ADAM12: variants seen among roughly 807,000 people sequenced by gnomAD.
ADAM12 encodes disintegrin and metalloproteinase domain-containing protein 12.
In ADAM12, 70 loss-of-function variants were observed where a neutral mutation model predicts 106.4. That is an observed-to-expected ratio of 0.66 (90% CI 0.54 to 0.80). The LOEUF (loss-of-function observed/expected upper bound fraction) is 0.80, where lower values mean the gene tolerates loss of function less well. Ranked by LOEUF, ADAM12 falls within the 30% of genes least tolerant of loss-of-function variation. ADAM12 has a pLI of 0.00. For missense variants in ADAM12, 1,010 were observed against 1,171.9 expected, an observed-to-expected ratio of 0.86 and a Z score of 2.02; for synonymous variants, 420 against 433.5, an observed-to-expected ratio of 0.97 and a Z score of 0.39.
intron 3 of ADAM12, among the ~76,000 whole-genome samples, chr10:126,191,283 C>A (rs1432022828): frequency 1.3e-5 from 2 of 151,746 alleles, no homozygotes; most frequent in East Asian, 1.9e-4. Flanking sequence ...ATTGAGTCAC[C>A]GGGCCCAGTC....
At chr10:126,109,956 G>A in intron 6 of ADAM12, 116 bp from the exon 7 acceptor site, 1 of 885,326 alleles carries the variant, frequency 1.1e-6, no homozygotes, top group Non-Finnish European at 1.7e-6. Context: ...ATCCCCGCCA[G>A]GCCCCCACAC....
At chr10:126,304,911 T>A (rs150633772) in intron 2 of ADAM12, among the ~76,000 whole-genome samples, 157 of 152,122 alleles carry the variant, frequency 1.0e-3, no homozygotes, top group African/African-American at 3.4e-3. Context: ...ACCATTATAA[T>A]GGTTGAGTTG....
At position 126,226,906 on chromosome 10, in the gene ADAM12, T is replaced by C. The variant is rs1478238839; in HGVS notation, c.260+52009A>G. 4.6e-5 allele frequency among the ~76,000 whole-genome samples: 7 copies of C among 152,296 alleles called. No individual in the cohort carries two copies. In the South Asian group the frequency reaches 6.2e-4, roughly 14 times the overall value. On this transcript the variant is annotated intron_variant, in intron 3 of 22. Transcript: ENST00000448723. Reference sequence around the variant, plus strand: ...AAATTTCTGGGTGGAAATATGAACATATATACTGGCCAAGTGAACCAATTC... The same window carrying C: ...AAATTTCTGGGTGGAAATATGAACACATATACTGGCCAAGTGAACCAATTC...
At chr10:126,188,686 TA>T (rs1957443224) in intron 3 of ADAM12, among the ~76,000 whole-genome samples, 1 of 152,232 alleles carries the variant, frequency 6.6e-6, no homozygotes, top group Non-Finnish European at 1.5e-5. Flanking sequence ...GTACGCCCTT[TA>T]ATCCCCTCAT....
intron 9 of ADAM12, among the ~76,000 whole-genome samples, chr10:126,100,151 G>T (rs1261148651): frequency 2.0e-5 from 3 of 151,812 alleles, no homozygotes; most frequent in Admixed American, 1.3e-4. Context: ...TTACAGTGTT[G>T]GTCACCACTG....
intron 18 of ADAM12, chr10:126,041,769 T>G: frequency 4.7e-6 from 5 of 1,069,786 alleles, no homozygotes; most frequent in Non-Finnish European, 2.3e-6. Flanking sequence ...GCCCAACCCT[T>G]GCTTCTCCCC....
intron 1 of ADAM12, among the ~76,000 whole-genome samples, chr10:126,374,167 A>T (rs1431092703): frequency 6.6e-6 from 1 of 152,206 alleles, no homozygotes; most frequent in Non-Finnish European, 1.5e-5. Context: ...TGTGGTGTAA[A>T]ATTCCCACAA....
chr10:126,096,985 A>G (rs116126822), intron 10 of ADAM12, among the ~76,000 whole-genome samples: 7,276 of 152,244 alleles, frequency 0.048, 593 homozygotes, highest in African/African-American at 0.16. Context: ...CTTGTATGGA[A>G]ATGGAATAAG....
intron 10 of ADAM12, among the ~76,000 whole-genome samples, chr10:126,095,665 TAAG>T (rs1211944056): frequency 7.0e-4 from 107 of 151,954 alleles, no homozygotes; most frequent in East Asian, 3.9e-4. Context: ...AGTGGCTTTA[TAAG>T]AAGAAGAGGG....
rs117641899 is a variant in ADAM12, at chr10:126,100,323, C to T, written c.911+749G>A. Among the ~76,000 whole-genome samples the T allele has an allele frequency of 3.3e-3, 502 of 152,196 alleles. 1 individual carries two copies. Among genetic ancestry groups the T allele is most frequent in the Non-Finnish European group, 6.0e-3 (409 of 67,980 alleles). ...AGGAGGAATAAAGTCTTTTTTCCCT[C>T]CAGGAATCTGACAGTATTCACCCAA... On this transcript the variant is annotated intron_variant, in intron 9 of 22. Coordinates refer to ENST00000448723, the MANE Select transcript of ADAM12 (RefSeq NM_001288973.2).
At chr10:126,282,189 T>C (rs1483173604) in intron 2 of ADAM12, among the ~76,000 whole-genome samples, 2 of 152,180 alleles carry the variant, frequency 1.3e-5, no homozygotes, top group South Asian at 2.1e-4. Flanking sequence ...TGGCCTTTTG[T>C]ATGTCTGTGT....
intron 6 of ADAM12, among the ~76,000 whole-genome samples, chr10:126,116,100 A>C (rs1590434482): frequency 6.6e-6 from 1 of 152,220 alleles, no homozygotes; most frequent in South Asian, 2.1e-4. Context: ...CCATTTCTCC[A>C]CAAGTCAAAA....
At chr10:126,040,786 A>C (rs114962748) in intron 18 of ADAM12, among the ~76,000 whole-genome samples, 3,316 of 152,228 alleles carry the variant, frequency 0.022, 120 homozygotes, top group African/African-American at 0.075. Context: ...TAAATCTTCA[A>C]TACATCAATC....
rs74158396 is a variant in ADAM12 at position 126,236,631 on chromosome 10, C to A, written c.260+42284G>T. On this transcript the variant is annotated intron_variant, in intron 3 of 22. Transcript: ENST00000448723. ...AGGAAGGAGCACCCACAGGAAGGAG[C>A]ACTCACAGGAAGGAACACCCATAGG... Among the ~76,000 whole-genome samples the A allele has an allele frequency of 3.4e-3, 519 of 151,896 alleles. 3 individuals carry two copies. The highest frequency in any genetic ancestry group is 0.012 in the African/African-American group (493 of 41,338).
At chr10:126,347,608 C>T (rs73369028) in intron 1 of ADAM12, among the ~76,000 whole-genome samples, 3,775 of 152,264 alleles carry the variant, frequency 0.025, 160 homozygotes, top group African/African-American at 0.084. Context: ...GAAAGCCCTA[C>T]AAATGATGTT....
chr10:126,370,372 A>G (rs1048967780), intron 1 of ADAM12, among the ~76,000 whole-genome samples: 1 of 152,230 alleles, frequency 6.6e-6, no homozygotes, highest in Non-Finnish European at 1.5e-5. Flanking sequence ...CATCATAGGT[A>G]GCAGTTATTA....
intron 21 of ADAM12, among the ~76,000 whole-genome samples, chr10:126,026,230 A>G (rs1953870432): frequency 6.6e-6 from 1 of 152,242 alleles, no homozygotes. Context: ...ACCAACAAAG[A>G]TCAAAAAAAG....
At chr10:126,137,042 T>C (rs1445880845) in intron 4 of ADAM12, among the ~76,000 whole-genome samples, 1 of 152,194 alleles carries the variant, frequency 6.6e-6, no homozygotes, top group Non-Finnish European at 1.5e-5. Context: ...AAATATGTTC[T>C]TCTTTATTTT....
intron 3 of ADAM12, among the ~76,000 whole-genome samples, chr10:126,171,130 C>A (rs754996040): frequency 6.6e-6 from 1 of 152,190 alleles, no homozygotes; most frequent in Non-Finnish European, 1.5e-5. Context: ...ATTCCAGCCT[C>A]CTAGGTTACA....
Sources: gnomAD v4.1 joint callset for allele counts (sites outside exome capture counted in the v4.1 genomes callset) on GRCh38, gnomAD v4.1.1 for gene constraint, MANE v1.5 for transcripts, NCBI Gene and HGNC (gene_info 2026-07-23, HGNC 2026-07-21) for gene names.